NACC2: variants seen among roughly 807,000 people sequenced by gnomAD.
NACC2 encodes the protein NACC family member 2.
NACC2 carries 8 observed loss-of-function variants against 25.1 expected under a neutral mutation model. The observed-to-expected ratio is 0.32, with a 90% CI of 0.19 to 0.57. The LOEUF (loss-of-function observed/expected upper bound fraction) is 0.57, where lower values mean the gene tolerates loss of function less well. NACC2 is among the 20% of genes least tolerant of loss of function. The probability of loss-of-function intolerance (pLI) is 0.89; values close to 1 mark genes in which losing one functional copy is unlikely to be tolerated. For missense variants in NACC2, 644 were observed against 650.2 expected, an observed-to-expected ratio of 0.99 and a Z score of 0.10; for synonymous variants, 435 against 294.7, an observed-to-expected ratio of 1.48 and a Z score of -4.88.
intron 2 of NACC2, among the ~76,000 whole-genome samples, chr9:136,040,139 A>T: frequency 6.6e-6 from 1 of 152,032 alleles, no homozygotes; most frequent in Non-Finnish European, 1.5e-5. Flanking sequence ...AGGTCAGGGG[A>T]TTGAGACCAT....
At chr9:136,058,376 G>A (rs1176568081) in intron 1 of NACC2, among the ~76,000 whole-genome samples, 6 of 124,574 alleles carry the variant, frequency 4.8e-5, no homozygotes, top group South Asian at 2.2e-4. Flanking sequence ...CCAGGGACCC[G>A]GGATTCCCAT....
At chr9:136,054,163 G>A (rs1840889340) in intron 1 of NACC2, among the ~76,000 whole-genome samples, 1 of 152,238 alleles carries the variant, frequency 6.6e-6, no homozygotes, top group Non-Finnish European at 1.5e-5. Flanking sequence ...CTGGGCAGGA[G>A]AGCAGCTCTC....
At chr9:136,088,819 G>T (rs1830405289) in intron 1 of NACC2, among the ~76,000 whole-genome samples, 1 of 152,172 alleles carries the variant, frequency 6.6e-6, no homozygotes, top group Non-Finnish European at 1.5e-5. Context: ...ACAAGGGCTG[G>T]GCTGTCCCAC....
intron 2 of NACC2, among the ~76,000 whole-genome samples, chr9:136,030,509 C>A (rs1840457771): frequency 6.6e-6 from 1 of 151,974 alleles, no homozygotes; most frequent in East Asian, 2.0e-4. Flanking sequence ...ACTTGGGAGG[C>A]TGAGGCAGGA....
chr9:136,028,171 GAGCCACTCCAGCCTGAGTGACAGA>G (rs1840421719), intron 2 of NACC2, among the ~76,000 whole-genome samples: 1 of 149,132 alleles, frequency 6.7e-6, no homozygotes, highest in East Asian at 2.0e-4. Flanking sequence ...TGAGTGGCAG[GAGCCACTCCAGCCTGAGTGACAGA>G]GAGAAACTCC....
At chr9:136,043,981 C>T (rs1277313778) in intron 2 of NACC2, among the ~76,000 whole-genome samples, 1 of 152,092 alleles carries the variant, frequency 6.6e-6, no homozygotes, top group Non-Finnish European at 1.5e-5. Context: ...TGCATCACCA[C>T]ACCCGGCTAA....
intron 3 of NACC2, 53 bp from the exon 4 acceptor site, chr9:136,014,022 C>T (rs1035895270): frequency 2.4e-6 from 3 of 1,228,322 alleles, no homozygotes; most frequent in Admixed American, 2.1e-5. Flanking sequence ...CCATAGGGTC[C>T]GAAGAGGCGC....
intron 2 of NACC2, among the ~76,000 whole-genome samples, chr9:136,039,500 A>G (rs1334230836): frequency 6.6e-6 from 1 of 152,240 alleles, no homozygotes; most frequent in Admixed American, 6.5e-5. Flanking sequence ...TAATGTGGAT[A>G]CCAAAACCAG....
intron 1 of NACC2, among the ~76,000 whole-genome samples, chr9:136,067,121 G>C (rs1259706993): frequency 2.6e-5 from 4 of 152,206 alleles, no homozygotes; most frequent in African/African-American, 9.6e-5. Flanking sequence ...AGGCGTGGTG[G>C]TTCATGCCTG....
intron 2 of NACC2, among the ~76,000 whole-genome samples, chr9:136,028,866 G>T (rs1395529573): frequency 6.6e-6 from 1 of 152,236 alleles, no homozygotes; most frequent in Admixed American, 6.5e-5. Context: ...GCACTGTCAT[G>T]ACCTGGCCAG....
intron 5 of NACC2, 84 bp from the exon 6 acceptor site, chr9:136,012,108 T>C (rs1840120368): frequency 1.4e-6 from 2 of 1,421,870 alleles, no homozygotes; most frequent in Admixed American, 5.4e-5. Context: ...CATGATGCCC[T>C]GGATGAGCCT....
rs1289741827 is a variant in NACC2 at position 136,060,504 on chromosome 9, C to T, written c.-59-9924G>A. 3.3e-5 allele frequency among the ~76,000 whole-genome samples: 5 copies of T among 152,356 alleles called. No individual in the cohort carries two copies. In the East Asian group the frequency reaches 9.6e-4, roughly 29 times the overall value. On this transcript the variant is annotated intron_variant, in intron 1 of 5. Coordinates refer to ENST00000277554, the MANE Select transcript of NACC2 (RefSeq NM_144653.5). ...AGACAGGGCCAGGCCCAGGCCCCAT[C>T]CCTCTCCCCTCCCTGAGGGTCAGCT...
chr9:136,080,973 C>T (rs947730343), intron 1 of NACC2, among the ~76,000 whole-genome samples: 8 of 152,178 alleles, frequency 5.3e-5, no homozygotes, highest in African/African-American at 1.7e-4. Context: ...CAGCCCCTCC[C>T]GCTGTCTCCC....
At chr9:136,066,205 AG>A (rs1166102630) in intron 1 of NACC2, among the ~76,000 whole-genome samples, 1,279 of 51,526 alleles carry the variant, frequency 0.025, 30 homozygotes, top group Admixed American at 0.088. Flanking sequence ...AAAAAAAAAA[AG>A]AAAGAAAGAA....
At chr9:136,044,869 T>C (rs925284048) in intron 2 of NACC2, among the ~76,000 whole-genome samples, 1 of 152,114 alleles carries the variant, frequency 6.6e-6, no homozygotes, top group South Asian at 2.1e-4. Context: ...CTGGGTTCTG[T>C]GGCCCAGGGC....
intron 2 of NACC2, among the ~76,000 whole-genome samples, chr9:136,021,363 A>ATCCT (rs1840289812): frequency 6.6e-6 from 1 of 152,172 alleles, no homozygotes; most frequent in East Asian, 1.9e-4. Flanking sequence ...AAAAACACCG[A>ATCCT]CGCCAAGTGC....
chr9:136,048,412 G>A (rs1237643869), intron 2 of NACC2, among the ~76,000 whole-genome samples: 2 of 152,222 alleles, frequency 1.3e-5, no homozygotes, highest in African/African-American at 4.8e-5. Context: ...CCCTCAGGAA[G>A]GGCCAATTCC....
chr9:136,020,179 G>A lies in NACC2; in HGVS notation c.887-3750C>T, dbSNP rs956076996. The stretch of plus-strand genomic sequence containing the variant: ...ACGTCCACTTTACCACAATAACAAC[G>A]CTCAGAAAGAACAAATGAACGAACG... On this transcript the variant is annotated intron_variant, in intron 2 of 5. Transcript: ENST00000277554. The surrounding 1 kb of genome is among the most constrained non-coding windows in gnomAD (Gnocchi z 4.7). 5.9e-5 allele frequency among the ~76,000 whole-genome samples: 9 copies of A among 152,270 alleles called. No individual in the cohort carries two copies. The highest frequency in any genetic ancestry group is 1.9e-4 in the East Asian group (1 of 5,188).
At chr9:136,087,022 T>C (rs1186597299) in intron 1 of NACC2, among the ~76,000 whole-genome samples, 3 of 152,168 alleles carry the variant, frequency 2.0e-5, no homozygotes, top group Admixed American at 6.5e-5. Context: ...GGATTTAGGG[T>C]GGACCCTAAC....
Sources: gnomAD v4.1 joint callset for allele counts (sites outside exome capture counted in the v4.1 genomes callset) on GRCh38, gnomAD v4.1.1 for gene constraint, Gnocchi (gnomAD v3.1) non-coding constraint, MANE v1.5 for transcripts, NCBI Gene and HGNC (gene_info 2026-07-23, HGNC 2026-07-21) for gene names.